INPP4B: variants seen among roughly 807,000 people sequenced by gnomAD.
INPP4B encodes the protein inositol polyphosphate-4-phosphatase type II B.
A neutral mutation model predicts 122.5 loss-of-function variants in INPP4B; 55 were observed. The observed-to-expected ratio is 0.45, with a 90% confidence interval of 0.36 to 0.56. INPP4B has a LOEUF of 0.56. INPP4B is among the 20% of genes least tolerant of loss of function. INPP4B has a pLI of 0.00. For missense variants in INPP4B, 1,000 were observed against 1,097.7 expected (o/e 0.91, Z 1.26); for synonymous variants, 403 against 388.7 (o/e 1.04, Z -0.43).
chr4:142,262,085 T>C, intron 10 of INPP4B, among the ~76,000 whole-genome samples: 1 of 152,292 alleles, frequency 6.6e-6, no homozygotes, highest in South Asian at 2.1e-4. Context: ...TACATAAAAT[T>C]CTAATTTTTC....
chr4:142,728,660 A>T (rs555283580), intron 1 of INPP4B, among the ~76,000 whole-genome samples: 1 of 152,226 alleles, frequency 6.6e-6, no homozygotes, highest in Admixed American at 6.5e-5. Context: ...ACAGGCAGAG[A>T]TTGGAGTGAT....
At chr4:142,789,300 T>C (rs1338322988) in intron 1 of INPP4B, among the ~76,000 whole-genome samples, 1 of 152,102 alleles carries the variant, frequency 6.6e-6, no homozygotes, top group Non-Finnish European at 1.5e-5. Context: ...ACTGTCACTG[T>C]TTGCTGATGA....
At position 142,085,783 on chromosome 4, in the gene INPP4B, A is replaced by C. The variant is rs1776433869; in HGVS notation, c.2487+361T>G. On this transcript the variant is annotated intron_variant, in intron 24 of 25. Transcript: ENST00000262992. The stretch of plus-strand genomic sequence containing the variant: ...TGTGAATCAGAGATCTGATAACCAC[A>C]TTCTGTTGAAACCATATGTCTCTAA... Among the ~76,000 whole-genome samples, 5 of 152,232 alleles carry C rather than the reference A, an allele frequency of 3.3e-5. No individual in the cohort carries two copies. The South Asian group carries it at 1.0e-3, about 31-fold the overall frequency.
At chr4:142,698,858 G>A (rs1761351190) in intron 2 of INPP4B, among the ~76,000 whole-genome samples, 1 of 152,162 alleles carries the variant, frequency 6.6e-6, no homozygotes, top group Non-Finnish European at 1.5e-5. Context: ...TGGAGGAGCT[G>A]AAGGGGAACC....
At chr4:142,223,592 G>A (rs1002439353) in intron 12 of INPP4B, among the ~76,000 whole-genome samples, 5 of 152,096 alleles carry the variant, frequency 3.3e-5, no homozygotes, top group Non-Finnish European at 7.4e-5. Context: ...CACCAGCTTG[G>A]TGACACTAAG....
chr4:142,148,197 ACT>A lies in INPP4B; in HGVS notation c.1564-2203_1564-2202del, dbSNP rs559751573. On this transcript the variant is annotated intron_variant, in intron 17 of 25. Transcript: ENST00000262992. Reference sequence around the variant, plus strand: ...GACTAGCTTTGTTCATAAGTTGTTAACTCTCTTGCTGTTGCCCATGTTGAAAG... The same window carrying A: ...GACTAGCTTTGTTCATAAGTTGTTAACTCTTGCTGTTGCCCATGTTGAAAG... 3.0e-4 allele frequency among the ~76,000 whole-genome samples: 45 copies of A among 152,110 alleles called. No homozygotes were observed. The South Asian group carries it at 9.3e-3, about 32-fold the overall frequency.
At chr4:142,056,894 C>A (rs1757993965) in intron 25 of INPP4B, among the ~76,000 whole-genome samples, 1 of 152,024 alleles carries the variant, frequency 6.6e-6, no homozygotes, top group Non-Finnish European at 1.5e-5. Flanking sequence ...AGGGAGACAC[C>A]AACTTTTGAG....
At chr4:142,430,513 G>C (rs1809073345) in intron 4 of INPP4B, among the ~76,000 whole-genome samples, 1 of 151,872 alleles carries the variant, frequency 6.6e-6, no homozygotes, top group South Asian at 2.1e-4. Context: ...GAAAAGAAAG[G>C]AAAAAGGCAT....
intron 7 of INPP4B, among the ~76,000 whole-genome samples, chr4:142,394,021 T>C (rs1434256109): frequency 5.3e-5 from 8 of 152,260 alleles, no homozygotes; most frequent in Admixed American, 2.6e-4. Flanking sequence ...TTCTGGATCA[T>C]ATGGCAGTAG....
At chr4:142,763,242 C>T (rs1456324614) in intron 1 of INPP4B, among the ~76,000 whole-genome samples, 1 of 152,136 alleles carries the variant, frequency 6.6e-6, no homozygotes, top group East Asian at 1.9e-4. Flanking sequence ...TGCTTAGAAG[C>T]TTACATTTAA....
chr4:142,315,904 T>C (rs1404501934), intron 7 of INPP4B, among the ~76,000 whole-genome samples: 5 of 151,830 alleles, frequency 3.3e-5, no homozygotes, highest in Non-Finnish European at 5.9e-5. Context: ...TCTCTTCAAA[T>C]CCCTTAAGTC....
intron 2 of INPP4B, among the ~76,000 whole-genome samples, chr4:142,586,574 A>C (rs906587590): frequency 5.9e-5 from 9 of 152,208 alleles, no homozygotes; most frequent in Non-Finnish European, 8.8e-5. Flanking sequence ...TTCATTAACA[A>C]GCACCTGCAA....
chr4:142,807,739 CT>C (rs1270192644), intron 1 of INPP4B, among the ~76,000 whole-genome samples: 1 of 152,146 alleles, frequency 6.6e-6, no homozygotes, highest in African/African-American at 2.4e-5. Context: ...TCAGTAGCCC[CT>C]GATTGCCTAC....
intron 1 of INPP4B, among the ~76,000 whole-genome samples, chr4:142,784,408 T>TAAA (rs772362201): frequency 7.5e-6 from 1 of 133,374 alleles, no homozygotes; most frequent in African/African-American, 2.6e-5. Context: ...AATAAATAAA[T>TAAA]AAAAATTAAA....
chr4:142,772,807 G>A (rs981889480), intron 1 of INPP4B, among the ~76,000 whole-genome samples: 7 of 152,146 alleles, frequency 4.6e-5, no homozygotes, highest in African/African-American at 7.2e-5. Flanking sequence ...CACTTTGGGA[G>A]GCCAAGGCAG....
chr4:142,083,060 C>T (rs958098808), intron 24 of INPP4B, among the ~76,000 whole-genome samples: 6 of 151,406 alleles, frequency 4.0e-5, no homozygotes, highest in African/African-American at 1.5e-4. Context: ...TGTGATCATG[C>T]CACTGCACTG....
chr4:142,240,899 A>C (rs970208852), intron 11 of INPP4B, among the ~76,000 whole-genome samples: 5 of 152,150 alleles, frequency 3.3e-5, no homozygotes, highest in Non-Finnish European at 7.4e-5. Context: ...TGATGGTCTG[A>C]TGGTGGGGAG....
At chr4:142,371,367 A>G (rs1789852793) in intron 7 of INPP4B, among the ~76,000 whole-genome samples, 1 of 152,160 alleles carries the variant, frequency 6.6e-6, no homozygotes, top group African/African-American at 2.4e-5. Flanking sequence ...GGTCTAGGAA[A>G]AGATTTTATG....
rs1762995685 is a variant in INPP4B at position 142,305,486 on chromosome 4, T to C, written c.475A>G (p.Lys159Glu). 1.2e-6 allele frequency: 2 copies of C among 1,613,004 alleles called. No homozygotes were observed. Among genetic ancestry groups the C allele is most frequent in the Non-Finnish European group, 1.7e-6 (2 of 1,179,336 alleles). ...AGGCTCAGGACCAGCAATTGCTCCT[T>C]TGACTTCAGCAGCTCTCCCACTTTA... ...SFKVGELLKSKEQLLVLSLRT... is the reference protein window; with the variant it reads ...SFKVGELLKSEEQLLVLSLRT... Residue 159 changes from lysine to glutamate, a missense_variant, in exon 9 of 26, where the codon AAG (lysine) becomes GAG (glutamate). By Grantham distance (56) the Lys-to-Glu change is moderately conservative. Coordinates refer to ENST00000262992, the MANE Select transcript of INPP4B (RefSeq NM_001101669.3).
Sources: allele counts gnomAD v4.1 joint callset (sites outside exome capture counted in the v4.1 genomes callset), GRCh38; gene constraint gnomAD v4.1.1; transcripts MANE v1.5; gene names NCBI Gene and HGNC (gene_info 2026-07-23, HGNC 2026-07-21).